HUNK: variants seen among roughly 807,000 people sequenced by gnomAD.
The protein encoded by HUNK is hormonally up-regulated neu tumor-associated kinase.
A neutral mutation model predicts 61.0 loss-of-function variants in HUNK; 21 were observed. That is an observed-to-expected ratio of 0.34 (90% CI 0.24 to 0.50). The LOEUF is 0.50. Among genes scored for constraint, HUNK ranks in the 20% least tolerant of loss-of-function variants. The pLI, the probability that HUNK is intolerant of heterozygous loss-of-function variation, is 0.98. For missense variants in HUNK, 772 were observed against 945.7 expected (o/e 0.82, Z 2.41); for synonymous variants, 371 against 386.1 (o/e 0.96, Z 0.46).
chr21:31,969,588 A>G (rs1419596441), intron 6 of HUNK, among the ~76,000 whole-genome samples: 2 of 148,468 alleles, frequency 1.3e-5, no homozygotes, highest in Non-Finnish European at 1.5e-5. Context: ...TTTTTTTGAG[A>G]CAAAACCTTA....
At chr21:31,982,719 G>A (rs1288349282) in intron 7 of HUNK, among the ~76,000 whole-genome samples, 2 of 152,094 alleles carry the variant, frequency 1.3e-5, no homozygotes, top group African/African-American at 4.8e-5. Context: ...AATTGTTATG[G>A]CTTTCATTTG....
In HUNK at chr21:31,965,741, A is replaced by G. The variant is rs149483045; in HGVS notation, c.875-2509A>G. ...CTCCGCCTCCCGAGTAGCTGGGATT[A>G]CAGGCATGCACCACCACACCCGGCT... On this transcript the variant is annotated intron_variant, in intron 5 of 10. Transcript: ENST00000270112. Among the ~76,000 whole-genome samples, 297 of 151,868 alleles carry G rather than the reference A, an allele frequency of 2.0e-3. 5 individuals carry two copies. The highest frequency in any genetic ancestry group is 6.9e-3 in the African/African-American group (287 of 41,408).
At chr21:31,977,146 C>T (rs1458692961) in intron 7 of HUNK, among the ~76,000 whole-genome samples, 3 of 152,086 alleles carry the variant, frequency 2.0e-5, no homozygotes, top group Non-Finnish European at 4.4e-5. Flanking sequence ...TATTATATAT[C>T]TTATAGCGTA....
chr21:31,954,358 G>T (rs377649251), intron 4 of HUNK, among the ~76,000 whole-genome samples: 2 of 152,232 alleles, frequency 1.3e-5, no homozygotes, highest in Non-Finnish European at 2.9e-5. Context: ...ATAACTGTGT[G>T]TGTTGACGTG....
chr21:32,000,741 A>G lies in HUNK; in HGVS notation c.*1557A>G, dbSNP rs1450754749. 7.5e-6 allele frequency: 3 copies of G among 398,522 alleles called. No homozygotes were observed. The Admixed American group carries it at 1.3e-4, about 18-fold the overall frequency. 24.7% of individuals were successfully genotyped at this position (398,522 alleles called of 1,614,324 possible). On this transcript the variant is annotated 3_prime_UTR_variant, in exon 11 of 11. Coordinates refer to ENST00000270112, the MANE Select transcript of HUNK (RefSeq NM_014586.2). ...CAGGCAGCCTTGCCAGAAGGCAGAG[A>G]GGCAGTTCTGAATCATTCTCTCATT...
At position 32,000,454 on chromosome 21, in the gene HUNK, A is replaced by G. The variant is rs2053238871; in HGVS notation, c.*1270A>G. On this transcript the variant is annotated 3_prime_UTR_variant, in exon 11 of 11. Transcript: ENST00000270112. ...GTGCCCCTGTGTGTGTTTTGTGGACAGCCGTGTTGTCTGACTGTATCCAGC... is the reference window on the plus strand; with the variant it reads ...GTGCCCCTGTGTGTGTTTTGTGGACGGCCGTGTTGTCTGACTGTATCCAGC... The G allele has an allele frequency of 7.5e-6, 3 of 399,154 alleles. No individual in the cohort carries two copies. The East Asian group carries it at 1.1e-4, about 14-fold the overall frequency. The allele number at this position is 399,154 out of a possible 1,614,324, so 24.7% of individuals were successfully genotyped here.
intron 4 of HUNK, 27 bp downstream of exon 4, chr21:31,946,198 G>T: frequency 6.2e-7 from 1 of 1,600,754 alleles, no homozygotes; most frequent in Non-Finnish European, 8.6e-7. Flanking sequence ...CTGAAAGTCA[G>T]TGTTCCTCCT....
intron 1 of HUNK, among the ~76,000 whole-genome samples, chr21:31,876,275 G>A (rs1357098944): frequency 1.3e-5 from 2 of 152,158 alleles, no homozygotes; most frequent in Admixed American, 6.5e-5. Context: ...TGGTTTTCCC[G>A]GGATGCTCCT....
At chr21:31,990,237 GT>G (rs2053162936) in intron 9 of HUNK, 61 bp downstream of exon 9, 1 of 1,394,190 alleles carries the variant, frequency 7.2e-7, no homozygotes, top group Non-Finnish European at 1.0e-6. Context: ...AACCAATAGA[GT>G]ATGGAGAGAG....
intron 1 of HUNK, among the ~76,000 whole-genome samples, chr21:31,918,218 T>C (rs926421257): frequency 7.3e-6 from 1 of 136,258 alleles, no homozygotes; most frequent in African/African-American, 3.8e-5. Context: ...AACTTGTAAG[T>C]ATGGAGCTTG....
intron 8 of HUNK, among the ~76,000 whole-genome samples, chr21:31,987,338 G>C (rs571171142): frequency 1.2e-3 from 179 of 152,298 alleles, no homozygotes; most frequent in African/African-American, 4.2e-3. Flanking sequence ...TAGACTTCCT[G>C]CCTCGTGCTT....
chr21:31,903,626 G>T (rs938830802), intron 1 of HUNK, among the ~76,000 whole-genome samples: 1 of 152,184 alleles, frequency 6.6e-6, no homozygotes, highest in African/African-American at 2.4e-5. Context: ...AGAAATGTTT[G>T]TGTTTCAGTC....
At chr21:31,976,046 T>C (rs1052353708) in intron 7 of HUNK, among the ~76,000 whole-genome samples, 2 of 152,240 alleles carry the variant, frequency 1.3e-5, no homozygotes, top group Non-Finnish European at 2.9e-5. Context: ...CCTTTGTTTT[T>C]GTTTTTGTTT....
At chr21:31,950,583 A>G (rs1324109344) in intron 4 of HUNK, among the ~76,000 whole-genome samples, 1 of 152,138 alleles carries the variant, frequency 6.6e-6, no homozygotes, top group Non-Finnish European at 1.5e-5. Context: ...GCACCTTTTA[A>G]GAGATGAATT....
intron 2 of HUNK, among the ~76,000 whole-genome samples, chr21:31,927,624 A>G (rs541638410): frequency 6.6e-6 from 1 of 152,020 alleles, no homozygotes; most frequent in East Asian, 2.0e-4. Flanking sequence ...AGCCTGGACA[A>G]CAGAGCGAGA....
chr21:31,886,590 C>T (rs1282659349), intron 1 of HUNK, among the ~76,000 whole-genome samples: 1 of 152,006 alleles, frequency 6.6e-6, no homozygotes, highest in African/African-American at 2.4e-5. Flanking sequence ...AGTGTAAGCC[C>T]CATGAGGAAG....
rs759384466 is a variant in HUNK at position 31,999,375 on chromosome 21, G to A, written c.*191G>A. On this transcript the variant is annotated 3_prime_UTR_variant, in exon 11 of 11. Coordinates refer to ENST00000270112, the MANE Select transcript of HUNK (RefSeq NM_014586.2). Reference sequence around the variant, plus strand: ...ACCCCCAGAGATGCTGGAATCGCTAGGAGGGTTGGCTCCAGGGGCAGCCAA... The same window carrying A: ...ACCCCCAGAGATGCTGGAATCGCTAAGAGGGTTGGCTCCAGGGGCAGCCAA... 3 of 560,624 alleles carry A rather than the reference G, an allele frequency of 5.4e-6. No individual in the cohort carries two copies. Among genetic ancestry groups the A allele is most frequent in the Non-Finnish European group, 9.3e-6 (3 of 323,552 alleles). The allele number at this position is 560,624 out of a possible 1,614,324, so 34.7% of individuals were successfully genotyped here.
rs139265339 is a variant in HUNK at position 31,909,297 on chromosome 21, A to G, written c.262-15171A>G. Reference sequence around the variant, plus strand: ...TCCTCTCTTGCAGGAACCAGTTTCTAGTCTCTCACCAGCAGGATACGTTTC... The same window carrying G: ...TCCTCTCTTGCAGGAACCAGTTTCTGGTCTCTCACCAGCAGGATACGTTTC... On this transcript the variant is annotated intron_variant, in intron 1 of 10. Coordinates refer to ENST00000270112, the MANE Select transcript of HUNK (RefSeq NM_014586.2). Among the ~76,000 whole-genome samples the G allele has an allele frequency of 9.2e-5, 14 of 152,280 alleles. No individual in the cohort carries two copies. The East Asian group carries it at 2.5e-3, about 27-fold the overall frequency.
intron 3 of HUNK, among the ~76,000 whole-genome samples, chr21:31,941,040 T>G (rs1331211511): frequency 6.6e-6 from 1 of 152,242 alleles, no homozygotes; most frequent in African/African-American, 2.4e-5. Context: ...TGACAAATGC[T>G]GAAAGTCATC....
Sources: allele counts gnomAD v4.1 joint callset (sites outside exome capture counted in the v4.1 genomes callset), GRCh38; gene constraint gnomAD v4.1.1; transcripts MANE v1.5; gene names NCBI Gene and HGNC (gene_info 2026-07-23, HGNC 2026-07-21).